The following RBPMS variants were observed in gnomAD, a reference collection of about 807,000 sequenced individuals.
RBPMS encodes RNA-binding protein with multiple splicing.
A neutral mutation model predicts 26.8 loss-of-function variants in RBPMS; 7 were observed. The observed-to-expected ratio is 0.26, with a 90% CI of 0.15 to 0.49. The LOEUF (loss-of-function observed/expected upper bound fraction) is 0.49. Ranked by LOEUF, RBPMS falls within the 20% of genes least tolerant of loss-of-function variation. RBPMS has a pLI of 0.98. For missense variants in RBPMS, 186 were observed against 250.0 expected, an observed-to-expected ratio of 0.74 and a Z score of 1.73; for synonymous variants, 96 against 93.3, an observed-to-expected ratio of 1.03 and a Z score of -0.17.
chr8:30,498,032 A>G (rs1008320464), intron 4 of RBPMS, among the ~76,000 whole-genome samples: 1 of 150,516 alleles, frequency 6.6e-6, no homozygotes, highest in African/African-American at 2.5e-5. Flanking sequence ...GTTAGAATCA[A>G]TTGAAGAAGT....
intron 1 of RBPMS, among the ~76,000 whole-genome samples, chr8:30,430,922 C>T (rs1811857264): frequency 6.6e-6 from 1 of 152,106 alleles, no homozygotes; most frequent in African/African-American, 2.4e-5. Context: ...TAAAACAAGG[C>T]CTTCTTATTT....
chr8:30,544,887 A>T, intron 6 of RBPMS: 3 of 1,492,878 alleles, frequency 2.0e-6, no homozygotes, highest in Non-Finnish European at 2.7e-6. Flanking sequence ...ATCGCACATG[A>T]GAGACCGGGG....
chr8:30,470,484 A>T (rs976169428), intron 1 of RBPMS, among the ~76,000 whole-genome samples: 1 of 152,202 alleles, frequency 6.6e-6, no homozygotes, highest in Non-Finnish European at 1.5e-5. Flanking sequence ...TGATTTTTTA[A>T]AACTTGCTTG....
intron 3 of RBPMS, 26 bp downstream of exon 3, chr8:30,477,863 AG>A (rs767323757): frequency 6.5e-7 from 1 of 1,529,962 alleles, no homozygotes; most frequent in East Asian, 2.3e-5. Flanking sequence ...TGGCATATAA[AG>A]ATCACTTTTT....
At chr8:30,514,698 TTTTTTA>T (rs1407748160) in intron 5 of RBPMS, among the ~76,000 whole-genome samples, 2 of 141,880 alleles carry the variant, frequency 1.4e-5, no homozygotes, top group East Asian at 4.1e-4. Flanking sequence ...TTTTTTTTTT[TTTTTTA>T]ATGTAGAGGC....
intron 1 of RBPMS, among the ~76,000 whole-genome samples, chr8:30,414,043 G>A (rs1382811083): frequency 3.9e-5 from 6 of 152,144 alleles, no homozygotes; most frequent in Non-Finnish European, 8.8e-5. Context: ...TGCCCAGCCA[G>A]AGTGTTATTT....
intron 1 of RBPMS, among the ~76,000 whole-genome samples, chr8:30,421,408 A>AT (rs1288880700): frequency 6.6e-6 from 1 of 152,170 alleles, no homozygotes; most frequent in Non-Finnish European, 1.5e-5. Flanking sequence ...ACATGTAGGA[A>AT]TTATGTCACT....
chr8:30,432,906 C>G (rs545342024), intron 1 of RBPMS, among the ~76,000 whole-genome samples: 5 of 152,200 alleles, frequency 3.3e-5, no homozygotes, highest in Admixed American at 6.5e-5. Context: ...CTTAAACATT[C>G]TGTTGATCCA....
intron 1 of RBPMS, among the ~76,000 whole-genome samples, chr8:30,411,857 G>A (rs1809474081): frequency 6.6e-6 from 1 of 151,796 alleles, no homozygotes. Flanking sequence ...GTTGTGGTCT[G>A]TGCCTGTAAT....
chr8:30,389,613 G>A (rs546212210), intron 1 of RBPMS, among the ~76,000 whole-genome samples: 12 of 152,056 alleles, frequency 7.9e-5, no homozygotes, highest in East Asian at 1.9e-4. Context: ...CTAAGAAAAC[G>A]GTATCATAAA....
intron 6 of RBPMS, among the ~76,000 whole-genome samples, chr8:30,557,454 T>C (rs754836380): frequency 1.3e-5 from 2 of 152,172 alleles, no homozygotes; most frequent in South Asian, 2.1e-4. Flanking sequence ...ACCAAGGTCA[T>C]TGAGAATCCC....
chr8:30,481,273 T>C (rs1355167252), intron 4 of RBPMS, among the ~76,000 whole-genome samples: 1 of 152,142 alleles, frequency 6.6e-6, no homozygotes, highest in Non-Finnish European at 1.5e-5. Flanking sequence ...GCCTGAAGTT[T>C]TTTGCTTGTT....
chr8:30,555,764 A>G (rs1484320434), intron 6 of RBPMS: 4 of 476,148 alleles, frequency 8.4e-6, no homozygotes, highest in Non-Finnish European at 1.1e-5. Context: ...TTCCCCGTTA[A>G]GAAGAATTGT....
At chr8:30,568,581 T>G (rs969970048) in intron 8 of RBPMS, among the ~76,000 whole-genome samples, 1 of 152,236 alleles carries the variant, frequency 6.6e-6, no homozygotes, top group African/African-American at 2.4e-5. Context: ...TAAGGAGATT[T>G]GTTCCCTGTC....
At chr8:30,489,609 G>A (rs1428263476) in intron 4 of RBPMS, among the ~76,000 whole-genome samples, 8 of 144,756 alleles carry the variant, frequency 5.5e-5, no homozygotes, top group Non-Finnish European at 9.2e-5. Context: ...CACGCCCGGC[G>A]AATTTTTGAA....
At chr8:30,569,921 G>A (rs1344445726) in intron 8 of RBPMS, among the ~76,000 whole-genome samples, 1 of 152,206 alleles carries the variant, frequency 6.6e-6, no homozygotes, top group South Asian at 2.1e-4. Context: ...GCCCGTCACA[G>A]AGAAGGTCCA....
intron 1 of RBPMS, among the ~76,000 whole-genome samples, chr8:30,444,233 A>G (rs2150719264): frequency 6.6e-6 from 1 of 152,350 alleles, no homozygotes; most frequent in South Asian, 2.1e-4. Flanking sequence ...TACATAACCC[A>G]TAGGTAACAT....
At chr8:30,475,423 T>G (rs571950568) in intron 2 of RBPMS, among the ~76,000 whole-genome samples, 11 of 152,298 alleles carry the variant, frequency 7.2e-5, no homozygotes, top group Admixed American at 3.9e-4. Flanking sequence ...GAAGAAACCT[T>G]TTGAAGGTTG....
chr8:30,490,985 C>G (rs1026944289), intron 4 of RBPMS, among the ~76,000 whole-genome samples: 12 of 152,100 alleles, frequency 7.9e-5, no homozygotes, highest in African/African-American at 2.9e-4. Flanking sequence ...CCTTAAGCCC[C>G]AAGTTCTTGG....
Sources: allele counts gnomAD v4.1 joint callset (sites outside exome capture counted in the v4.1 genomes callset), GRCh38; gene constraint gnomAD v4.1.1; transcripts MANE v1.5; gene names NCBI Gene and HGNC (gene_info 2026-07-23, HGNC 2026-07-21).